The following NCOR2 variants were observed in gnomAD, a reference collection of about 807,000 sequenced individuals.
NCOR2 encodes nuclear receptor corepressor 2.
Under a neutral mutation model 262.9 loss-of-function variants are expected in NCOR2, and 81 were observed. The ratio of observed to expected loss-of-function variants is 0.31; its 90% CI spans 0.26 to 0.37. The LOEUF is 0.37. Ranked by LOEUF, NCOR2 falls within the 10% of genes least tolerant of loss-of-function variation. NCOR2 has a pLI of 1.00. For missense variants in NCOR2, 3,385 were observed against 3,621.4 expected (o/e 0.93, Z 1.68); for synonymous variants, 1,659 against 1,559.3 (o/e 1.06, Z -1.51).
chr12:124,336,612 G>T, intron 38 of NCOR2, 141 bp downstream of exon 40: 2 of 1,471,192 alleles, frequency 1.4e-6, no homozygotes, highest in East Asian at 2.5e-5. Flanking sequence ...ACCACGAGAC[G>T]GGGTGGGTGC....
At chr12:124,417,207 C>CAGCAGGCCGGACACTCACTCCACGGAG (rs1565924071) in intron 13 of NCOR2, among the ~76,000 whole-genome samples, 24 of 33,032 alleles carry the variant, frequency 7.3e-4, no homozygotes, top group Non-Finnish European at 1.4e-3. Context: ...ACTCCACGGA[C>CAGCAGGCCGGACACTCACTCCACGGAG]AGCAGGCCGG....
intron 1 of NCOR2, among the ~76,000 whole-genome samples, chr12:124,515,073 C>A (rs1013226934): frequency 3.9e-5 from 6 of 152,282 alleles, no homozygotes; most frequent in Admixed American, 3.9e-4. Flanking sequence ...GCAGGCACCA[C>A]GTGTCCCCCA....
At chr12:124,418,989 G>C (rs574801225) in intron 13 of NCOR2, among the ~76,000 whole-genome samples, 1 of 151,936 alleles carries the variant, frequency 6.6e-6, no homozygotes, top group Non-Finnish European at 1.5e-5. Context: ...GAAATGCCTC[G>C]ACCGACTCCA....
chr12:124,457,018 C>G lies in NCOR2; in HGVS notation c.762+88G>C. On this transcript the variant is annotated intron_variant, in intron 6 of 46. Coordinates refer to ENST00000405201, the Ensembl canonical transcript of NCOR2. The surrounding 1 kb of genome is among the most constrained non-coding windows in gnomAD (Gnocchi z 4.0). Reference sequence around the variant, plus strand: ...GCAGCGCTTGGTAATAGATGACTTCCTCCTCCGCCGCACCCTCCCGCCTCC... The same window carrying G: ...GCAGCGCTTGGTAATAGATGACTTCGTCCTCCGCCGCACCCTCCCGCCTCC... 9.0e-7 allele frequency: 1 copy of G among 1,109,814 alleles called. No individual in the cohort carries two copies. The highest frequency in any genetic ancestry group is 1.2e-6 in the Non-Finnish European group (1 of 824,730). 68.7% of individuals were successfully genotyped at this position (1,109,814 alleles called of 1,614,324 possible).
intron 1 of NCOR2, among the ~76,000 whole-genome samples, chr12:124,516,957 A>G (rs1593933086): frequency 1.3e-5 from 2 of 152,236 alleles, no homozygotes; most frequent in Non-Finnish European, 2.9e-5. Context: ...CATTTGCCAG[A>G]TGGGAAAACT....
At chr12:124,558,688 AGGAGACTGCTGGGTCCACCTCC>A (rs1410318045) in intron 1 of NCOR2, among the ~76,000 whole-genome samples, 5 of 152,170 alleles carry the variant, frequency 3.3e-5, no homozygotes, top group Admixed American at 6.5e-5. Flanking sequence ...AGCAATGGCA[AGGAGACTGCTGGGTCCACCTCC>A]CTGACCCTGG....
intron 8 of NCOR2, among the ~76,000 whole-genome samples, chr12:124,433,043 G>GCCCCA (rs1189309899): frequency 6.6e-6 from 1 of 152,112 alleles, no homozygotes; most frequent in South Asian, 2.1e-4. Flanking sequence ...AGACACCTCA[G>GCCCCA]CCCCACCCCA....
intron 1 of NCOR2, chr12:124,514,050 G>T (rs963290478): frequency 6.6e-6 from 1 of 152,312 alleles, no homozygotes; most frequent in Non-Finnish European, 1.5e-5. Context: ...CGGTGACAAA[G>T]ATGAACAAAA....
intron 1 of NCOR2, chr12:124,514,228 G>A (rs2049581149): frequency 6.6e-6 from 1 of 152,200 alleles, no homozygotes; most frequent in Non-Finnish European, 1.5e-5. Context: ...CTCTTCCTGG[G>A]AGAAGCCACC....
At chr12:124,474,063 C>T (rs1175404114) in intron 3 of NCOR2, among the ~76,000 whole-genome samples, 1 of 152,232 alleles carries the variant, frequency 6.6e-6, no homozygotes, top group East Asian at 1.9e-4. Context: ...TCGCGTAACA[C>T]ACCTCTCTTC....
Position 124,473,135 on chromosome 12 carries a change from T to C in NCOR2, c.412-4A>G, listed in dbSNP as rs766520322. On this transcript the variant is annotated splice_polypyrimidine_tract_variant and splice_region_variant and intron_variant, in intron 3 of 46. Transcript: ENST00000405201. ...GCTTGCCCGTCAGGCTACGGTCCTGTGGCAGAAAAAAAACGGGCATGGGGT... is the reference window on the plus strand; with the variant it reads ...GCTTGCCCGTCAGGCTACGGTCCTGCGGCAGAAAAAAAACGGGCATGGGGT... 3 of 1,613,440 alleles carry C rather than the reference T, an allele frequency of 1.9e-6. No individual in the cohort carries two copies.
At chr12:124,448,536 C>T (rs1000501735) in intron 7 of NCOR2, among the ~76,000 whole-genome samples, 1 of 152,078 alleles carries the variant, frequency 6.6e-6, no homozygotes, top group Non-Finnish European at 1.5e-5. Flanking sequence ...CTGAGGATGA[C>T]CCCCCCGCCA....
chr12:124,387,629 C>T (rs1005319833), intron 16 of NCOR2, among the ~76,000 whole-genome samples: 27 of 152,318 alleles, frequency 1.8e-4, no homozygotes, highest in African/African-American at 5.5e-4. Context: ...CCTCACAGCC[C>T]GCTCCTCAGG....
intron 4 of NCOR2, 30 bp from the exon 7 acceptor site, chr12:124,466,316 A>G (rs1445712535): frequency 6.3e-7 from 1 of 1,588,820 alleles, no homozygotes; most frequent in Admixed American, 1.7e-5. Flanking sequence ...GTGAGGGATG[A>G]GCACCCCAGC....
upstream of NCOR2, among the ~76,000 whole-genome samples, chr12:124,495,767 G>A (rs2136909843): frequency 6.6e-6 from 1 of 152,276 alleles, no homozygotes; most frequent in African/African-American, 2.4e-5. This position sits in a 1 kb window ranked among gnomAD's most constrained non-coding sequence, Gnocchi z 4.4. Context: ...CCCAGGAGGG[G>A]CGGCCGGCAG....
chr12:124,480,966 G>A (rs985969414), intron 3 of NCOR2, among the ~76,000 whole-genome samples: 9 of 151,878 alleles, frequency 5.9e-5, no homozygotes, highest in Non-Finnish European at 1.2e-4. Flanking sequence ...GGAGGGGCAG[G>A]TAATGAAGGC....
chr12:124,400,149 C>G (rs2041918067), intron 15 of NCOR2, among the ~76,000 whole-genome samples: 2 of 152,304 alleles, frequency 1.3e-5, no homozygotes, highest in South Asian at 2.1e-4. Flanking sequence ...TTTGTGACAT[C>G]TCCCTGCTCT....
chr12:124,391,587 C>T (rs881290), intron 16 of NCOR2, among the ~76,000 whole-genome samples: 32,018 of 152,032 alleles, frequency 0.21, 3,885 homozygotes, highest in Non-Finnish European at 0.25. Flanking sequence ...CAGGACTTCC[C>T]GAACTCCTGC....
chr12:124,503,671 A>AATGGATGGATGG lies in NCOR2; in HGVS notation c.-117-8315_-117-8304dup, dbSNP rs140410776. Among the ~76,000 whole-genome samples, 1,116 of 122,204 alleles carry AATGGATGGATGG rather than the reference A, an allele frequency of 9.1e-3. 17 individuals are homozygous for AATGGATGGATGG. Among genetic ancestry groups the AATGGATGGATGG allele is most frequent in the African/African-American group, 0.028 (942 of 33,504 alleles). The allele number at this position is 122,204 out of a possible 152,430, so 80.2% of individuals were successfully genotyped here. On this transcript the variant is annotated intron_variant, in intron 1 of 46. Transcript: ENST00000404621. This position sits in a 1 kb window ranked among gnomAD's most constrained non-coding sequence, Gnocchi z 4.3. ...GGATGGATGGATGGATGGACGGGTGAATGGATGGATGGATGGATGGATGGA... is the reference window on the plus strand; with the variant it reads ...GGATGGATGGATGGATGGACGGGTGAATGGATGGATGGATGGATGGATGGATGGATGGATGGA...
Sources: allele counts gnomAD v4.1 joint callset (sites outside exome capture counted in the v4.1 genomes callset), GRCh38; gene constraint gnomAD v4.1.1; non-coding constraint Gnocchi (gnomAD v3.1); transcripts MANE v1.5; gene names NCBI Gene and HGNC (gene_info 2026-07-23, HGNC 2026-07-21).